Variants in LIN7A observed in about 807,000 individuals in gnomAD.
LIN7A encodes protein lin-7 homolog A.
A neutral mutation model predicts 29.8 loss-of-function variants in LIN7A; 25 were observed. That is an observed-to-expected ratio of 0.84 (90% CI 0.61 to 1.17). LIN7A has a LOEUF of 1.17. Among genes scored for constraint, LIN7A ranks in the 50% most tolerant of loss-of-function variants. The pLI, the probability that LIN7A is intolerant of heterozygous loss-of-function variation, is 0.00. For synonymous variants in LIN7A, 118 were observed against 107.5 expected (o/e 1.10, Z -0.60); for missense variants, 239 against 287.0 (o/e 0.83, Z 1.21).
At chr12:80,853,692 C>T (rs2121549585) in intron 2 of LIN7A, among the ~76,000 whole-genome samples, 1 of 151,512 alleles carries the variant, frequency 6.6e-6, no homozygotes, top group East Asian at 1.9e-4. Flanking sequence ...TGTTGGAGAA[C>T]TAGAATTTTT....
intron 1 of LIN7A, among the ~76,000 whole-genome samples, chr12:80,924,314 C>G (rs542121815): frequency 4.1e-4 from 62 of 152,266 alleles, no homozygotes; most frequent in African/African-American, 1.5e-3. Flanking sequence ...TGGCAAGTGG[C>G]AGAACTGCAA....
chr12:80,897,450 A>G (rs1875966579), intron 1 of LIN7A, among the ~76,000 whole-genome samples: 1 of 152,196 alleles, frequency 6.6e-6, no homozygotes, highest in Non-Finnish European at 1.5e-5. Flanking sequence ...TAGGCTAAAT[A>G]CTAGAACACC....
At chr12:80,807,220 C>T (rs1327392839) in intron 5 of LIN7A, among the ~76,000 whole-genome samples, 2 of 151,546 alleles carry the variant, frequency 1.3e-5, no homozygotes, top group South Asian at 2.1e-4. Context: ...TACAGGCGCC[C>T]GCCACCACGC....
At chr12:80,803,556 A>G (rs993485862) in intron 5 of LIN7A, among the ~76,000 whole-genome samples, 5 of 152,144 alleles carry the variant, frequency 3.3e-5, no homozygotes, top group African/African-American at 1.2e-4. Context: ...GAGGTCAGGT[A>G]GTGTGAGGCC....
At chr12:80,856,440 T>C (rs1274875266) in intron 2 of LIN7A, among the ~76,000 whole-genome samples, 1 of 152,178 alleles carries the variant, frequency 6.6e-6, no homozygotes, top group Non-Finnish European at 1.5e-5. Flanking sequence ...TGACAAACTC[T>C]AGGAATAGGT....
chr12:80,847,521 A>T (rs1364490472), intron 3 of LIN7A, among the ~76,000 whole-genome samples: 1 of 152,200 alleles, frequency 6.6e-6, no homozygotes, highest in Admixed American at 6.5e-5. Context: ...TATTTCTTAT[A>T]CATTATTAGA....
chr12:80,927,436 A>T (rs1487015179), intron 1 of LIN7A, among the ~76,000 whole-genome samples: 1 of 152,078 alleles, frequency 6.6e-6, no homozygotes, highest in Non-Finnish European at 1.5e-5. Context: ...GGCGTGAGCC[A>T]CCACGCCCGG....
At chr12:80,824,270 A>G (rs1055344892) in intron 4 of LIN7A, among the ~76,000 whole-genome samples, 13 of 152,292 alleles carry the variant, frequency 8.5e-5, no homozygotes, top group African/African-American at 3.1e-4. Context: ...CCTAGAGGAG[A>G]TGGATAAATT....
chr12:80,907,053 C>CTGTGTGTG (rs1491359652), intron 1 of LIN7A, among the ~76,000 whole-genome samples: 16,284 of 132,684 alleles, frequency 0.12, 1,315 homozygotes, highest in Middle Eastern at 0.2. Flanking sequence ...AGAGTGCGTG[C>CTGTGTGTG]TCTGTGTGTG....
At chr12:80,902,220 T>TTG (rs1876254741) in intron 1 of LIN7A, among the ~76,000 whole-genome samples, 1 of 149,210 alleles carries the variant, frequency 6.7e-6, no homozygotes, top group African/African-American at 2.4e-5. Flanking sequence ...TCTATGTGTT[T>TTG]TTTTTTTTTT....
At chr12:80,824,369 AT>A (rs1373104279) in intron 4 of LIN7A, among the ~76,000 whole-genome samples, 2 of 152,192 alleles carry the variant, frequency 1.3e-5, no homozygotes, top group African/African-American at 4.8e-5. Flanking sequence ...AGAAATGGTA[AT>A]AAAAAACATT....
intron 2 of LIN7A, among the ~76,000 whole-genome samples, chr12:80,867,705 C>A (rs1354600745): frequency 6.6e-6 from 1 of 152,146 alleles, no homozygotes; most frequent in Non-Finnish European, 1.5e-5. Context: ...GGAATATCAA[C>A]CATAAATAAC....
chr12:80,891,825 T>C (rs1875642671), intron 1 of LIN7A, among the ~76,000 whole-genome samples: 1 of 152,124 alleles, frequency 6.6e-6, no homozygotes, highest in Admixed American at 6.5e-5. Context: ...ACAAAGGGAA[T>C]AAATGCAGAT....
At chr12:80,888,430 G>A (rs1465320552) in intron 2 of LIN7A, among the ~76,000 whole-genome samples, 1 of 152,112 alleles carries the variant, frequency 6.6e-6, no homozygotes, top group Non-Finnish European at 1.5e-5. Context: ...ATTCATTGGA[G>A]GTGCCTGCTC....
Position 80,937,749 on chromosome 12 carries a change from A to G in LIN7A, c.-27T>C. 1.7e-6 allele frequency: 1 copy of G among 578,952 alleles called. No homozygotes were observed. Among genetic ancestry groups the G allele is most frequent in the Non-Finnish European group, 2.4e-6 (1 of 413,500 alleles). 35.9% of individuals were successfully genotyped at this position (578,952 alleles called of 1,614,324 possible). On this transcript the variant is annotated 5_prime_UTR_variant, in exon 1 of 6. Coordinates refer to ENST00000552864, the MANE Select transcript of LIN7A (RefSeq NM_004664.4). ...AGCAACCGCTCGTAGTGAGAAAAAA[A>G]GGAGGAGATTGGGGGCGGGGGTGGA...
At chr12:80,814,848 A>G (rs1042621489) in intron 4 of LIN7A, among the ~76,000 whole-genome samples, 1 of 152,182 alleles carries the variant, frequency 6.6e-6, no homozygotes, top group African/African-American at 2.4e-5. Flanking sequence ...GGCTCAACAG[A>G]GTCAACAGGT....
At chr12:80,812,901 T>C (rs1469112590) in intron 4 of LIN7A, among the ~76,000 whole-genome samples, 1 of 152,090 alleles carries the variant, frequency 6.6e-6, no homozygotes, top group African/African-American at 2.4e-5. Flanking sequence ...GAATGAGCAG[T>C]TGACATGCAT....
At position 80,797,147 on chromosome 12, in the gene LIN7A, G is replaced by A. The variant is rs554329181; in HGVS notation, c.*580C>T. 5.9e-5 allele frequency: 9 copies of A among 152,214 alleles called. No homozygotes were observed. Among genetic ancestry groups the A allele is most frequent in the South Asian group, 4.1e-4 (2 of 4,822 alleles). The allele number at this position is 152,214 out of a possible 1,614,324, so 9.4% of individuals were successfully genotyped here. A position where few individuals can be genotyped will look rare whatever the true frequency, so the allele number is the denominator to read the frequency against. On this transcript the variant is annotated 3_prime_UTR_variant, in exon 6 of 6. Transcript: ENST00000552864. ...ATTCATGGAAACAAAAGAAAAAGCC[G>A]ATTGCTTCTAGAACCTGAAGAAAAT...
At chr12:80,896,750 A>G (rs1046975343) in intron 1 of LIN7A, among the ~76,000 whole-genome samples, 2 of 152,230 alleles carry the variant, frequency 1.3e-5, no homozygotes, top group African/African-American at 4.8e-5. Context: ...GACAACACTG[A>G]AGTGTATCAC....
Sources: allele counts gnomAD v4.1 joint callset (sites outside exome capture counted in the v4.1 genomes callset), GRCh38; gene constraint gnomAD v4.1.1; transcripts MANE v1.5; gene names NCBI Gene and HGNC (gene_info 2026-07-23, HGNC 2026-07-21).